The following CRYL1 variants were observed in gnomAD, a reference collection of about 807,000 sequenced individuals.
CRYL1 encodes crystallin lambda 1.
CRYL1 carries 29 observed loss-of-function variants against 36.6 expected under a neutral mutation model. That is an observed-to-expected ratio of 0.79 (90% CI 0.59 to 1.08). CRYL1 has a LOEUF of 1.08. Ranked by LOEUF, CRYL1 falls within the 50% of genes least tolerant of loss-of-function variation. The pLI is 0.00. For missense variants in CRYL1, 411 were observed against 407.9 expected (o/e 1.01, Z -0.06); for synonymous variants, 152 against 151.5 (o/e 1.00, Z -0.02).
At chr13:20,491,887 A>C (rs1189419570) in intron 2 of CRYL1, among the ~76,000 whole-genome samples, 1 of 152,238 alleles carries the variant, frequency 6.6e-6, no homozygotes, top group Admixed American at 6.5e-5. Flanking sequence ...TACTAGTTGC[A>C]TAGGGTACTA....
In CRYL1 at chr13:20,523,113, C is replaced by T. The variant is rs143741986; in HGVS notation, c.41+2641G>A. ...TGTATTTTTAGTAGAGACGGGATCT[C>T]GCCATGTTGGCCAGACTGGTCTCGA... On this transcript the variant is annotated intron_variant, in intron 1 of 7. Coordinates refer to ENST00000298248, the MANE Select transcript of CRYL1 (RefSeq NM_015974.3). Among the ~76,000 whole-genome samples, 220 of 152,052 alleles carry T rather than the reference C, an allele frequency of 1.4e-3. 1 individual carries two copies. The highest frequency in any genetic ancestry group is 5.2e-3 in the African/African-American group (215 of 41,500).
At chr13:20,460,192 A>G (rs9509228) in intron 3 of CRYL1, among the ~76,000 whole-genome samples, 80,825 of 151,402 alleles carry the variant, frequency 0.53, 22,410 homozygotes, top group East Asian at 0.77. Flanking sequence ...GTTGTTTCCT[A>G]TTTTTTGTTA....
intron 4 of CRYL1, among the ~76,000 whole-genome samples, chr13:20,438,542 C>G (rs961053903): frequency 6.6e-6 from 1 of 152,188 alleles, no homozygotes; most frequent in African/African-American, 2.4e-5. Context: ...TCCCATGGCT[C>G]CAAGGCATGT....
chr13:20,433,769 T>A (rs1178462687), intron 4 of CRYL1: 2 of 154,420 alleles, frequency 1.3e-5, no homozygotes, highest in Non-Finnish European at 2.9e-5. Context: ...TAAGCCTCAC[T>A]GGTAGCAAAA....
At chr13:20,494,666 T>C (rs905489118) in intron 2 of CRYL1, among the ~76,000 whole-genome samples, 3 of 152,228 alleles carry the variant, frequency 2.0e-5, no homozygotes, top group African/African-American at 4.8e-5. Flanking sequence ...TAGCCTTTTT[T>C]CCCAAAAGTA....
chr13:20,453,809 G>A (rs1040766258), intron 3 of CRYL1, among the ~76,000 whole-genome samples: 20 of 152,184 alleles, frequency 1.3e-4, no homozygotes, highest in African/African-American at 4.3e-4. Flanking sequence ...TATGAAGAAC[G>A]AAAGAGGGGA....
intron 1 of CRYL1, among the ~76,000 whole-genome samples, chr13:20,521,893 A>G (rs1341225193): frequency 6.6e-6 from 1 of 152,224 alleles, no homozygotes. Context: ...TTTTGCCAGA[A>G]AGAGCTATTA....
chr13:20,422,083 G>A (rs139255292), intron 5 of CRYL1, among the ~76,000 whole-genome samples: 1 of 152,036 alleles, frequency 6.6e-6, no homozygotes, highest in Non-Finnish European at 1.5e-5. Flanking sequence ...TTAAGGCCAG[G>A]CGCGGTGGCT....
At chr13:20,514,416 G>A (rs559495555) in intron 1 of CRYL1, among the ~76,000 whole-genome samples, 7 of 152,258 alleles carry the variant, frequency 4.6e-5, no homozygotes, top group South Asian at 4.1e-4. Flanking sequence ...AAATCCTAAC[G>A]GAGGGACATT....
chr13:20,471,650 TG>T (rs1259920266), intron 3 of CRYL1, among the ~76,000 whole-genome samples: 3 of 151,908 alleles, frequency 2.0e-5, no homozygotes, highest in Admixed American at 2.0e-4. Flanking sequence ...TTGATGCTAA[TG>T]GTTACATTAG....
At chr13:20,521,380 C>T (rs1462137132) in intron 1 of CRYL1, among the ~76,000 whole-genome samples, 1 of 152,110 alleles carries the variant, frequency 6.6e-6, no homozygotes, top group Non-Finnish European at 1.5e-5. Context: ...CCAGATTGCA[C>T]GGCCCCAGAG....
chr13:20,433,081 T>C (rs1260368787), intron 4 of CRYL1, among the ~76,000 whole-genome samples: 1 of 152,152 alleles, frequency 6.6e-6, no homozygotes. Flanking sequence ...ATATTGTACC[T>C]TAAGTGTCTG....
At chr13:20,426,871 ACTCAAT>A in intron 5 of CRYL1, 1 of 985,466 alleles carries the variant, frequency 1.0e-6, no homozygotes, top group Non-Finnish European at 1.2e-6. Flanking sequence ...GAGACCAAGA[ACTCAAT>A]CTCTGCGGCC....
intron 3 of CRYL1, among the ~76,000 whole-genome samples, chr13:20,485,636 T>C (rs28459019): frequency 6.7e-6 from 1 of 148,630 alleles, no homozygotes. Context: ...GCCACTGCAC[T>C]CCAGCCTGGA....
At chr13:20,518,642 A>G (rs975131290) in intron 1 of CRYL1, among the ~76,000 whole-genome samples, 1 of 152,138 alleles carries the variant, frequency 6.6e-6, no homozygotes, top group African/African-American at 2.4e-5. Context: ...TTTTAAAGGG[A>G]CATTCTAGTT....
At chr13:20,418,993 A>G (rs1048038317) in intron 5 of CRYL1, 20 of 152,254 alleles carry the variant, frequency 1.3e-4, no homozygotes, top group African/African-American at 4.6e-4. Context: ...CAGCCCTACG[A>G]GGGCGACATG....
chr13:20,516,190 CAAAAAAAAAA>C (rs35780379), intron 1 of CRYL1, among the ~76,000 whole-genome samples: 2 of 73,278 alleles, frequency 2.7e-5, no homozygotes, highest in East Asian at 4.2e-4. Flanking sequence ...AACTCCATCT[CAAAAAAAAAA>C]AAAAAAAAAA....
At chr13:20,474,102 G>A (rs755694180) in intron 3 of CRYL1, among the ~76,000 whole-genome samples, 14 of 152,166 alleles carry the variant, frequency 9.2e-5, no homozygotes, top group Admixed American at 2.0e-4. Context: ...GCATGGGCAC[G>A]TCCTGAATTC....
chr13:20,494,131 A>C (rs538090716), intron 2 of CRYL1, among the ~76,000 whole-genome samples: 2 of 152,354 alleles, frequency 1.3e-5, no homozygotes, highest in South Asian at 4.1e-4. Context: ...CCTTGGAGTC[A>C]ACATTGGTAA....
Sources: allele counts gnomAD v4.1 joint callset (sites outside exome capture counted in the v4.1 genomes callset), GRCh38; gene constraint gnomAD v4.1.1; transcripts MANE v1.5; gene names NCBI Gene and HGNC (gene_info 2026-07-23, HGNC 2026-07-21).